Variants in ARHGEF10L observed in about 807,000 individuals in gnomAD.
ARHGEF10L encodes Rho guanine nucleotide exchange factor 10 like, also known as rho guanine nucleotide exchange factor 10-like protein.
A neutral mutation model predicts 141.2 loss-of-function variants in ARHGEF10L; 69 were observed. The ratio of observed to expected loss-of-function variants is 0.49; its 90% CI spans 0.40 to 0.60. The LOEUF (loss-of-function observed/expected upper bound fraction) is 0.60, where lower values mean the gene tolerates loss of function less well. Ranked by LOEUF, ARHGEF10L falls within the 20% of genes least tolerant of loss-of-function variation. The pLI is 0.00. For missense variants in ARHGEF10L, 1,482 were observed against 1,734.3 expected (o/e 0.85, Z 2.58); for synonymous variants, 711 against 718.5 (o/e 0.99, Z 0.17).
chr1:17,588,247 G>A (rs2079192892), intron 3 of ARHGEF10L, among the ~76,000 whole-genome samples, 199 bp from the exon 4 acceptor site: 1 of 151,506 alleles, frequency 6.6e-6, no homozygotes. Flanking sequence ...CACGGGGTGG[G>A]TGGGGGTGGT....
the ARHGEF10L span, among the ~76,000 whole-genome samples, chr1:17,528,847 C>T: frequency 6.6e-6 from 1 of 152,134 alleles, no homozygotes; most frequent in African/African-American, 2.4e-5. Flanking sequence ...GGGATGGTTC[C>T]AGTACTTACT....
chr1:17,661,353 C>T (rs949453419), intron 25 of ARHGEF10L, among the ~76,000 whole-genome samples: 1 of 152,232 alleles, frequency 6.6e-6, no homozygotes, highest in Non-Finnish European at 1.5e-5. Context: ...GTTGGGATTA[C>T]AGGCGTGAGC....
upstream of ARHGEF10L, among the ~76,000 whole-genome samples, chr1:17,537,854 C>CAAAAAAAAAAAAAAAAAAAAAAA (rs10611023): frequency 2.5e-5 from 2 of 79,838 alleles, no homozygotes; most frequent in Non-Finnish European, 4.7e-5. Flanking sequence ...ACCATCTCTA[C>CAAAAAAAAAAAAAAAAAAAAAAA]AAAAAAAAAA....
chr1:17,586,675 C>T (rs1179790765), intron 2 of ARHGEF10L, among the ~76,000 whole-genome samples: 1 of 152,092 alleles, frequency 6.6e-6, no homozygotes, highest in Non-Finnish European at 1.5e-5. Context: ...GTAGAGGGGA[C>T]AGACAGGTGA....
rs1293077856 is a variant in ARHGEF10L, at chr1:17,539,871, G to A, written c.-123G>A. ...GCCATGGGCGCCCGCGGCGGCCTGC[G>A]GAGCTGGAGGCGCGGCGCCGGCCGC... On this transcript the variant is annotated 5_prime_UTR_variant, in exon 1 of 29. Transcript: ENST00000361221. The surrounding 1 kb of genome is among the most constrained non-coding windows in gnomAD (Gnocchi z 6.0). The A allele has an allele frequency of 6.7e-6, 1 of 149,294 alleles. No homozygotes were observed. The highest frequency in any genetic ancestry group is 1.5e-5 in the Non-Finnish European group (1 of 67,062). The allele number at this position is 149,294 out of a possible 1,614,324, so 9.2% of individuals were successfully genotyped here. A position where few individuals can be genotyped will look rare whatever the true frequency, so the allele number is the denominator to read the frequency against.
At chr1:17,593,097 C>T (rs1426128543) in intron 4 of ARHGEF10L, among the ~76,000 whole-genome samples, 1 of 152,152 alleles carries the variant, frequency 6.6e-6, no homozygotes, top group Non-Finnish European at 1.5e-5. Flanking sequence ...TTGAAGAAGG[C>T]ACTTGCAGGG....
chr1:17,627,587 C>T lies in ARHGEF10L; in HGVS notation c.1584+84C>T. 6.8e-7 allele frequency: 1 copy of T among 1,469,052 alleles called. No individual in the cohort carries two copies. Among genetic ancestry groups the T allele is most frequent in the African/African-American group, 1.4e-5 (1 of 72,216 alleles). 91.0% of individuals were successfully genotyped at this position (1,469,052 alleles called of 1,614,324 possible). ...CCGTGCCCCTGCCCCACGCCACCCA[C>T]ACTAGGTGGCAGTGTTCTCTGAGGG... On this transcript the variant is annotated intron_variant, in intron 15 of 28. Transcript: ENST00000361221. This position sits in a 1 kb window ranked among gnomAD's most constrained non-coding sequence, Gnocchi z 4.0.
intron 1 of ARHGEF10L, among the ~76,000 whole-genome samples, chr1:17,551,550 C>T (rs1446961022): frequency 5.9e-5 from 9 of 152,180 alleles, no homozygotes; most frequent in Middle Eastern, 3.4e-3. Flanking sequence ...GTGGGCCCTG[C>T]GAGCCAGTCA....
At chr1:17,595,221 T>A (rs374055741) in intron 4 of ARHGEF10L, among the ~76,000 whole-genome samples, 212 of 95,030 alleles carry the variant, frequency 2.2e-3, no homozygotes, top group African/African-American at 0.014. Context: ...GTGGCTCACC[T>A]TTTTTTTTTT....
intron 25 of ARHGEF10L, among the ~76,000 whole-genome samples, chr1:17,664,231 G>A (rs769039100): frequency 3.3e-5 from 5 of 152,194 alleles, no homozygotes; most frequent in Non-Finnish European, 5.9e-5. Flanking sequence ...AGGAAGGGAC[G>A]AATCTGAGAG....
intron 27 of ARHGEF10L, among the ~76,000 whole-genome samples, chr1:17,690,583 G>A (rs1266523286): frequency 1.3e-5 from 2 of 152,250 alleles, no homozygotes; most frequent in Admixed American, 6.5e-5. Context: ...CGCTCTTTTG[G>A]CAGACCTCCC....
In ARHGEF10L at chr1:17,656,495, C is replaced by A; in HGVS notation, c.2706-59C>A. The stretch of plus-strand genomic sequence containing the variant: ...CCCTCTCCCTAGGAGGGCATGGGGG[C>A]AGTGAGTGGGTGGGAGTGCTCAGTG... On this transcript the variant is annotated intron_variant, in intron 24 of 28. Coordinates refer to ENST00000361221, the MANE Select transcript of ARHGEF10L (RefSeq NM_018125.4). This position sits in a 1 kb window ranked among gnomAD's most constrained non-coding sequence, Gnocchi z 4.9. 6.4e-7 allele frequency: 1 copy of A among 1,562,440 alleles called. No individual in the cohort carries two copies. The highest frequency in any genetic ancestry group is 1.2e-5 in the South Asian group (1 of 83,130).
chr1:17,668,633 C>T (rs1417539806), intron 26 of ARHGEF10L, among the ~76,000 whole-genome samples: 2 of 152,224 alleles, frequency 1.3e-5, no homozygotes, highest in East Asian at 1.9e-4. Flanking sequence ...TGGAGGGAGG[C>T]GAGATGGAGG....
chr1:17,547,109 C>T (rs565780365), intron 1 of ARHGEF10L, among the ~76,000 whole-genome samples: 16 of 152,344 alleles, frequency 1.1e-4, no homozygotes, highest in African/African-American at 3.6e-4. Context: ...AGCAGCAGTG[C>T]CCATATGCTA....
In ARHGEF10L at chr1:17,619,584, A is replaced by G. The variant is rs918080519; in HGVS notation, c.942+139A>G. The G allele has an allele frequency of 2.7e-5, 18 of 658,226 alleles. No homozygotes were observed. The East Asian group carries it at 3.7e-4, about 14-fold the overall frequency. 40.8% of individuals were successfully genotyped at this position (658,226 alleles called of 1,614,324 possible). A position where few individuals can be genotyped will look rare whatever the true frequency, so the allele number is the denominator to read the frequency against. Reference sequence around the variant, plus strand: ...GGGGCTCTTGGCAGAGCCCAGCTGGATAGGGGCCTCCTAGGTTCTCTCCTC... The same window carrying G: ...GGGGCTCTTGGCAGAGCCCAGCTGGGTAGGGGCCTCCTAGGTTCTCTCCTC... On this transcript the variant is annotated intron_variant, in intron 10 of 28. Coordinates refer to ENST00000361221, the MANE Select transcript of ARHGEF10L (RefSeq NM_018125.4). This position sits in a 1 kb window ranked among gnomAD's most constrained non-coding sequence, Gnocchi z 5.0.
chr1:17,692,640 GC>G (rs2065192367), intron 27 of ARHGEF10L, among the ~76,000 whole-genome samples: 1 of 152,164 alleles, frequency 6.6e-6, no homozygotes, highest in African/African-American at 2.4e-5. Flanking sequence ...AGCTGCGGGA[GC>G]CCCTGCTGGG....
intron 1 of ARHGEF10L, 106 bp downstream of exon 1, chr1:17,540,056 T>G (rs1342050267): frequency 6.6e-6 from 1 of 150,536 alleles, no homozygotes; most frequent in African/African-American, 2.5e-5. Context: ...CCGGGTGTCC[T>G]GGGCGTGTCG....
At chr1:17,657,174 C>A (rs2062318782) in intron 25 of ARHGEF10L, among the ~76,000 whole-genome samples, 1 of 152,160 alleles carries the variant, frequency 6.6e-6, no homozygotes, top group Non-Finnish European at 1.5e-5. Flanking sequence ...TCAAGTATTT[C>A]CATCTGGGTT....
Position 17,609,823 on chromosome 1 carries a change from C to T in ARHGEF10L, c.609+1846C>T, listed in dbSNP as rs550403361. On this transcript the variant is annotated intron_variant, in intron 7 of 28. Transcript: ENST00000361221. ...CCCAGGCAGAAGCCCAGGAACAGCT[C>T]GTTGCTGCTTCCTGCAGTTCAGAAG... 2.0e-5 allele frequency among the ~76,000 whole-genome samples: 3 copies of T among 152,230 alleles called. No homozygotes were observed. The South Asian group carries it at 6.2e-4, about 32-fold the overall frequency.
Sources: gnomAD v4.1 joint callset for allele counts (sites outside exome capture counted in the v4.1 genomes callset) on GRCh38, gnomAD v4.1.1 for gene constraint, Gnocchi (gnomAD v3.1) non-coding constraint, MANE v1.5 for transcripts, NCBI Gene and HGNC (gene_info 2026-07-23, HGNC 2026-07-21) for gene names.